Variants in PTPN9 observed in about 807,000 individuals in gnomAD.
The protein encoded by PTPN9 is tyrosine-protein phosphatase non-receptor type 9.
In PTPN9, 26 loss-of-function variants were observed where a neutral mutation model predicts 69.8. The ratio of observed to expected loss-of-function variants is 0.37; its 90% CI spans 0.27 to 0.52. The LOEUF is 0.52. Ranked by LOEUF, PTPN9 falls within the 20% of genes least tolerant of loss-of-function variation. The probability of loss-of-function intolerance (pLI) is 0.91; values close to 1 mark genes in which losing one functional copy is unlikely to be tolerated. For missense variants in PTPN9, 549 were observed against 740.3 expected, an observed-to-expected ratio of 0.74 and a Z score of 3.00; for synonymous variants, 274 against 272.5, an observed-to-expected ratio of 1.01 and a Z score of -0.05.
chr15:75,526,971 T>A, intron 2 of PTPN9, 147 bp downstream of exon 2: 2 of 991,182 alleles, frequency 2.0e-6, no homozygotes, highest in Admixed American at 2.6e-5. Context: ...CAGCTTCAGC[T>A]CTCACAAGGG....
chr15:75,497,608 C>A (rs1365170957), intron 7 of PTPN9, among the ~76,000 whole-genome samples: 1 of 151,956 alleles, frequency 6.6e-6, no homozygotes, highest in Non-Finnish European at 1.5e-5. Flanking sequence ...CGAGACCACT[C>A]TGACCAACAT....
rs2074701230 is a variant in PTPN9 at position 75,490,235 on chromosome 15, C to T, written c.1035G>A (p.Lys345=). 1 of 1,613,560 alleles carries T rather than the reference C, an allele frequency of 6.2e-7. No individual in the cohort carries two copies. Among genetic ancestry groups the T allele is most frequent in the Non-Finnish European group, 8.5e-7 (1 of 1,179,462 alleles). The part of the protein sequence containing the change: ...DVPCLDQTRV[K]LTKRSGHTQT... ...GAGTATGGCCACTTCGCTTTGTTAGCTTCACTCTAGTTTGGTCCAGGCAGG... is the reference window on the plus strand; with the variant it reads ...GAGTATGGCCACTTCGCTTTGTTAGTTTCACTCTAGTTTGGTCCAGGCAGG... The change falls in exon 8 of 13, where the codon AAG becomes AAA. Residue 345 remains lysine, a synonymous_variant. Coordinates refer to ENST00000618819, the MANE Select transcript of PTPN9 (RefSeq NM_002833.4).
intron 2 of PTPN9, 145 bp downstream of exon 2, chr15:75,526,973 T>C: frequency 2.0e-6 from 2 of 1,017,862 alleles, no homozygotes; most frequent in East Asian, 2.6e-5. Context: ...GCTTCAGCTC[T>C]CACAAGGGCT....
chr15:75,481,358 G>A (rs1377976506), intron 8 of PTPN9, among the ~76,000 whole-genome samples: 1 of 5,522 alleles, frequency 1.8e-4, no homozygotes, highest in Admixed American at 2.0e-3. Flanking sequence ...GTCAGCCCCC[G>A]GCCCGGCCAG....
intron 1 of PTPN9, among the ~76,000 whole-genome samples, chr15:75,573,833 GA>G (rs1279682811): frequency 1.3e-5 from 2 of 152,212 alleles, no homozygotes; most frequent in Non-Finnish European, 2.9e-5. Flanking sequence ...TAAGTGATGT[GA>G]ATGACAGGTA....
intron 7 of PTPN9, among the ~76,000 whole-genome samples, chr15:75,497,915 C>T (rs1201270543): frequency 2.6e-5 from 4 of 151,478 alleles, no homozygotes; most frequent in South Asian, 2.1e-4. Context: ...TTCAGCCCAG[C>T]GCAGTGGCTC....
rs186013042 is a variant in PTPN9 at position 75,530,294 on chromosome 15, C to T, written c.64-3033G>A. Among the ~76,000 whole-genome samples the T allele has an allele frequency of 8.9e-3, 1,243 of 139,778 alleles. 36 individuals are homozygous for T. The highest frequency in any genetic ancestry group is 0.031 in the African/African-American group (1,169 of 37,508). The allele number at this position is 139,778 out of a possible 152,430, so 91.7% of individuals were successfully genotyped here. A position where few individuals can be genotyped will look rare whatever the true frequency, so the allele number is the denominator to read the frequency against. ...GCTCATGCCTGTAATCCTAGCACTC[C>T]GGGAGGCCAAGGCAGGAAGATCACT... is the stretch of plus-strand genomic sequence containing the variant. On this transcript the variant is annotated intron_variant, in intron 1 of 12. Coordinates refer to ENST00000618819, the MANE Select transcript of PTPN9 (RefSeq NM_002833.4).
At chr15:75,502,873 A>G (rs1054997682) in intron 7 of PTPN9, among the ~76,000 whole-genome samples, 1 of 152,218 alleles carries the variant, frequency 6.6e-6, no homozygotes, top group East Asian at 1.9e-4. Flanking sequence ...TATGTCCAAC[A>G]GGGTTATCCT....
rs11636559 is a variant in PTPN9, at chr15:75,492,999, A to T, written c.969-2698T>A. Among the ~76,000 whole-genome samples, 823 of 152,114 alleles carry T rather than the reference A, an allele frequency of 5.4e-3. 2 individuals are homozygous for T. The highest frequency in any genetic ancestry group is 0.019 in the South Asian group (91 of 4,814). Reference sequence around the variant, plus strand: ...CAAGACCTTGTCTCTACTAAAAATTAAAAAAATTAGCTGGGCATGGAGGTA... The same window carrying T: ...CAAGACCTTGTCTCTACTAAAAATTTAAAAAATTAGCTGGGCATGGAGGTA... On this transcript the variant is annotated intron_variant, in intron 7 of 12. Coordinates refer to ENST00000618819, the MANE Select transcript of PTPN9 (RefSeq NM_002833.4).
chr15:75,504,299 T>A (rs1291861647), intron 7 of PTPN9, among the ~76,000 whole-genome samples: 9 of 82,656 alleles, frequency 1.1e-4, no homozygotes, highest in African/African-American at 4.4e-4. Flanking sequence ...GTCCGGGAGG[T>A]GAGGGGCGCC....
chr15:75,537,026 A>C (rs918981784), intron 1 of PTPN9, among the ~76,000 whole-genome samples: 45 of 152,322 alleles, frequency 3.0e-4, no homozygotes, highest in Non-Finnish European at 5.9e-4. Context: ...GATGAAGAAC[A>C]AAGGAACTTT....
Position 75,578,964 on chromosome 15 carries a change from C to G in PTPN9, c.-188G>C, listed in dbSNP as rs917303818. ...TCTGCTTCCTTAAGAAAAATCTCTC[C>G]GAACTGCCGCTCTCTTCCGGGAGGA... On this transcript the variant is annotated 5_prime_UTR_variant, in exon 1 of 13. Coordinates refer to ENST00000618819, the MANE Select transcript of PTPN9 (RefSeq NM_002833.4). 2 of 298,226 alleles carry G rather than the reference C, an allele frequency of 6.7e-6. No homozygotes were observed. The highest frequency in any genetic ancestry group is 1.2e-5 in the Non-Finnish European group (2 of 163,402). The allele number at this position is 298,226 out of a possible 1,614,324, so 18.5% of individuals were successfully genotyped here. A position where few individuals can be genotyped will look rare whatever the true frequency, so the allele number is the denominator to read the frequency against.
chr15:75,527,809 T>C (rs901394440), intron 1 of PTPN9, among the ~76,000 whole-genome samples: 1 of 150,148 alleles, frequency 6.7e-6, no homozygotes, highest in Non-Finnish European at 1.5e-5. Context: ...TGAGCTGAGA[T>C]CATGCCATTG....
intron 4 of PTPN9, among the ~76,000 whole-genome samples, chr15:75,522,607 T>A (rs546009795): frequency 6.6e-6 from 1 of 152,102 alleles, no homozygotes; most frequent in East Asian, 1.9e-4. Context: ...GGTTTCACCA[T>A]GTTGTCCAGG....
At chr15:75,520,901 C>A (rs529793483) in intron 4 of PTPN9, among the ~76,000 whole-genome samples, 16 of 152,110 alleles carry the variant, frequency 1.1e-4, no homozygotes, top group African/African-American at 3.6e-4. Flanking sequence ...CCTCCCAGGG[C>A]TCAGATGATC....
intron 8 of PTPN9, among the ~76,000 whole-genome samples, chr15:75,485,416 C>A (rs576618292): frequency 1.6e-5 from 2 of 128,730 alleles, no homozygotes; most frequent in African/African-American, 3.1e-5. Context: ...GGCCGGACTG[C>A]GGACTGCAGT....
intron 1 of PTPN9, among the ~76,000 whole-genome samples, chr15:75,564,787 T>C (rs2075119639): frequency 6.6e-6 from 1 of 151,390 alleles, no homozygotes; most frequent in Admixed American, 6.6e-5. Flanking sequence ...CAAGACCCTC[T>C]CTCTATTAAA....
At chr15:75,528,101 G>A (rs1358114833) in intron 1 of PTPN9, among the ~76,000 whole-genome samples, 1 of 152,042 alleles carries the variant, frequency 6.6e-6, no homozygotes, top group South Asian at 2.1e-4. Flanking sequence ...TGACCCCACT[G>A]GACCTCTTCA....
At chr15:75,506,509 G>A (rs1232346415) in intron 6 of PTPN9, among the ~76,000 whole-genome samples, 1 of 152,058 alleles carries the variant, frequency 6.6e-6, no homozygotes, top group Non-Finnish European at 1.5e-5. Flanking sequence ...GGAAAAATGT[G>A]AGATAACACT....
Sources: gnomAD v4.1 joint callset for allele counts (sites outside exome capture counted in the v4.1 genomes callset) on GRCh38, gnomAD v4.1.1 for gene constraint, MANE v1.5 for transcripts, NCBI Gene and HGNC (gene_info 2026-07-23, HGNC 2026-07-21) for gene names.